Variants in FSD1 observed in about 807,000 individuals in gnomAD.
The protein encoded by FSD1 is fibronectin type III and SPRY domain containing 1.
In FSD1, 23 loss-of-function variants were observed where a neutral mutation model predicts 58.2. The observed-to-expected ratio is 0.40, with a 90% CI of 0.28 to 0.56. The LOEUF is 0.56. Among genes scored for constraint, FSD1 ranks in the 20% least tolerant of loss-of-function variants. The probability of loss-of-function intolerance (pLI) is 0.54; values close to 1 mark genes in which losing one functional copy is unlikely to be tolerated. For synonymous variants in FSD1, 265 were observed against 263.4 expected, an observed-to-expected ratio of 1.01 and a Z score of -0.06; for missense variants, 563 against 670.8, an observed-to-expected ratio of 0.84 and a Z score of 1.78.
At chr19:4,317,523 C>T (rs1198016242) in intron 8 of FSD1, among the ~76,000 whole-genome samples, 1 of 152,132 alleles carries the variant, frequency 6.6e-6, no homozygotes, top group Non-Finnish European at 1.5e-5. Context: ...CTCTCTTTGC[C>T]AAAAAATAGA....
At chr19:4,309,723 T>C (rs1377666548) in intron 4 of FSD1, among the ~76,000 whole-genome samples, 1 of 148,588 alleles carries the variant, frequency 6.7e-6, no homozygotes, top group East Asian at 2.0e-4. Context: ...GCCTGGCTAA[T>C]ACAGTGAAAC....
At position 4,323,333 on chromosome 19, in the gene FSD1, G is replaced by GC. The variant is rs748859636; in HGVS notation, c.1292-9dup. ...TTCTGACCGGTCCCACTGTCACTCT[G>GC]CCCCCCGACCCCAGGCCTCCTGTCC... On this transcript the variant is annotated splice_polypyrimidine_tract_variant and intron_variant, in intron 11 of 12. Coordinates refer to ENST00000221856, the MANE Select transcript of FSD1 (RefSeq NM_024333.3). This position sits in a 1 kb window ranked among gnomAD's most constrained non-coding sequence, Gnocchi z 7.7. The GC allele has an allele frequency of 5.0e-6, 8 of 1,611,466 alleles. No individual in the cohort carries two copies. The highest frequency in any genetic ancestry group is 1.6e-4 in the Middle Eastern group (1 of 6,078).
At chr19:4,318,784 G>C in intron 9 of FSD1, 88 bp from the exon 10 acceptor site, 1 of 1,049,228 alleles carries the variant, frequency 9.5e-7, no homozygotes, top group South Asian at 1.3e-5. Flanking sequence ...CATCCACGGT[G>C]GCTGGGGTGG....
chr19:4,317,756 C>T (rs1229702747), intron 8 of FSD1, among the ~76,000 whole-genome samples: 5 of 152,218 alleles, frequency 3.3e-5, no homozygotes, highest in East Asian at 3.9e-4. Context: ...CAGTGGCTCA[C>T]GCCTGTGATC....
intron 1 of FSD1, among the ~76,000 whole-genome samples, chr19:4,305,067 C>T (rs867893211): frequency 1.3e-4 from 18 of 140,268 alleles, no homozygotes; most frequent in African/African-American, 4.5e-4. Context: ...CCAGGCGTCC[C>T]GGCCCCCCGC....
chr19:4,322,842 G>A, intron 10 of FSD1, 144 bp from the exon 11 acceptor site: 2 of 984,210 alleles, frequency 2.0e-6, no homozygotes, highest in Non-Finnish European at 3.0e-6. Context: ...GTATCTGGGG[G>A]GTACAGCTAG....
intron 8 of FSD1, 66 bp from the exon 9 acceptor site, chr19:4,318,280 T>A: frequency 6.2e-7 from 1 of 1,608,252 alleles, no homozygotes; most frequent in South Asian, 1.1e-5. Flanking sequence ...TCTCTGTCTC[T>A]CTGTCTCTCT....
intron 4 of FSD1, among the ~76,000 whole-genome samples, chr19:4,308,826 C>G (rs978237507): frequency 1.3e-5 from 2 of 151,328 alleles, no homozygotes; most frequent in African/African-American, 4.9e-5. Context: ...CCACCGCACT[C>G]CAGCCTGGGC....
At chr19:4,306,617 G>A (rs1432631941) in intron 3 of FSD1, among the ~76,000 whole-genome samples, 7 of 151,910 alleles carry the variant, frequency 4.6e-5, no homozygotes, top group Non-Finnish European at 2.9e-5. Flanking sequence ...ACAGGTACCC[G>A]CCATCATGCT....
At chr19:4,311,685 TAA>T (rs59243536) in intron 6 of FSD1, 155 bp from the exon 7 acceptor site, 650 of 539,666 alleles carry the variant, frequency 1.2e-3, no homozygotes, top group Middle Eastern at 3.1e-3. Context: ...ACTCTGTCTC[TAA>T]AAAAAAAAAA....
At chr19:4,305,859 C>CGTGTGTACATGTGCGTACACGT in intron 1 of FSD1, 87 bp from the exon 2 acceptor site, 1 of 943,654 alleles carries the variant, frequency 1.1e-6, no homozygotes, top group South Asian at 1.3e-5. Flanking sequence ...TGTGTGTGCA[C>CGTGTGTACATGTGCGTACACGT]GTGTGTACAT....
At chr19:4,314,572 C>T (rs1335922478) in intron 7 of FSD1, among the ~76,000 whole-genome samples, 1 of 151,556 alleles carries the variant, frequency 6.6e-6, no homozygotes, top group African/African-American at 2.4e-5. Context: ...CCGCAACCTC[C>T]GCCTCCTGGG....
At position 4,310,550 on chromosome 19, in the gene FSD1, C is replaced by T. The variant is rs1225356638; in HGVS notation, c.444C>T (p.Asp148=). ...VSDNMSHLMV[D]FAQERQMLQA... is the part of the protein sequence containing the mutation. ...ACAACATGAGTCACCTCATGGTGGA[C>T]TTCGCGCAAGAGCGGCAGATGCTAC... is the stretch of plus-strand genomic sequence containing the variant. The change falls in exon 6 of 13, where the codon GAC becomes GAT. Residue 148 remains aspartate (D), a synonymous_variant. Coordinates refer to ENST00000221856, the MANE Select transcript of FSD1 (RefSeq NM_024333.3). 6.2e-7 allele frequency: 1 copy of T among 1,613,844 alleles called. No homozygotes were observed. Among genetic ancestry groups the T allele is most frequent in the East Asian group, 2.2e-5 (1 of 44,880 alleles).
At chr19:4,311,184 G>T (rs1425875786) in intron 6 of FSD1, 1 of 154,578 alleles carries the variant, frequency 6.5e-6, no homozygotes, top group Non-Finnish European at 1.4e-5. Flanking sequence ...CCACATGGTA[G>T]CTCCTGGGAA....
At chr19:4,321,280 GGA>G (rs1212262716) in intron 10 of FSD1, among the ~76,000 whole-genome samples, 3 of 146,442 alleles carry the variant, frequency 2.0e-5, no homozygotes, top group African/African-American at 2.5e-5. Context: ...AGGAGTATCT[GGA>G]GGGGAATAGC....
rs1371231392 is a variant in FSD1 at position 4,306,136 on chromosome 19, G to A, written c.112-62G>A. Reference sequence around the variant, plus strand: ...CTGGCCCATTGCTGTTGATGCCTGTGGGAGGTCTCAGGTTCCCTCTCTGAA... The same window carrying A: ...CTGGCCCATTGCTGTTGATGCCTGTAGGAGGTCTCAGGTTCCCTCTCTGAA... On this transcript the variant is annotated intron_variant, in intron 2 of 12. Transcript: ENST00000221856. 8.7e-6 allele frequency: 14 copies of A among 1,612,072 alleles called. No individual in the cohort carries two copies. In the Admixed American group the frequency reaches 1.5e-4, roughly 17 times the overall value.
chr19:4,323,483 C>A lies in FSD1; in HGVS notation c.1380+47C>A. ...AGGGGGAGGAGAGGGTGGTGCTGGGCGCTGGGGTTTGAAGCTGAGCCCCTC... is the reference window on the plus strand; with the variant it reads ...AGGGGGAGGAGAGGGTGGTGCTGGGAGCTGGGGTTTGAAGCTGAGCCCCTC... On this transcript the variant is annotated intron_variant, in intron 12 of 12. Transcript: ENST00000221856. This position sits in a 1 kb window ranked among gnomAD's most constrained non-coding sequence, Gnocchi z 7.7. The A allele has an allele frequency of 6.3e-7, 1 of 1,596,904 alleles. No individual in the cohort carries two copies. The highest frequency in any genetic ancestry group is 8.6e-7 in the Non-Finnish European group (1 of 1,166,062).
intron 10 of FSD1, among the ~76,000 whole-genome samples, chr19:4,321,519 T>TG (rs1231045141): frequency 1.4e-5 from 2 of 147,358 alleles, no homozygotes; most frequent in Admixed American, 1.4e-4. Context: ...GAGGAGTATC[T>TG]GGGGGGAATA....
chr19:4,323,502 G>GGGGCGGC lies in FSD1; in HGVS notation c.1381-31_1381-30insGGGCGGC. ...GCTGGGCGCTGGGGTTTGAAGCTGA[G>GGGGCGGC]CCCCTCCCCCCTCCCCCCGCTGTCC... On this transcript the variant is annotated intron_variant, in intron 12 of 12. Transcript: ENST00000221856. This position sits in a 1 kb window ranked among gnomAD's most constrained non-coding sequence, Gnocchi z 7.7. The GGGGCGGC allele has an allele frequency of 1.3e-6, 2 of 1,573,910 alleles. No homozygotes were observed. The highest frequency in any genetic ancestry group is 1.7e-6 in the Non-Finnish European group (2 of 1,145,250).
Sources: allele counts gnomAD v4.1 joint callset (sites outside exome capture counted in the v4.1 genomes callset), GRCh38; gene constraint gnomAD v4.1.1; non-coding constraint Gnocchi (gnomAD v3.1); transcripts MANE v1.5; gene names NCBI Gene and HGNC (gene_info 2026-07-23, HGNC 2026-07-21).